ADK: variants seen among roughly 807,000 people sequenced by gnomAD.
The protein encoded by ADK is N6,N6-dimethyladenosine kinase.
ADK carries 24 observed loss-of-function variants against 44.7 expected under a neutral mutation model. That is an observed-to-expected ratio of 0.54 (90% CI 0.39 to 0.76). The LOEUF (loss-of-function observed/expected upper bound fraction) is 0.76. Among genes scored for constraint, ADK ranks in the 30% least tolerant of loss-of-function variants. The pLI is 0.00. For missense variants in ADK, 321 were observed against 425.1 expected, an observed-to-expected ratio of 0.76 and a Z score of 2.15; for synonymous variants, 128 against 142.6, an observed-to-expected ratio of 0.90 and a Z score of 0.73.
chr10:74,204,642 A>T (rs537701530), intron 2 of ADK, among the ~76,000 whole-genome samples: 1 of 152,374 alleles, frequency 6.6e-6, no homozygotes, highest in South Asian at 2.1e-4. Context: ...ACACTTTCCC[A>T]GTCAGAAAAT....
chr10:74,680,811 A>T (rs1252610784), intron 10 of ADK, among the ~76,000 whole-genome samples: 1 of 152,236 alleles, frequency 6.6e-6, no homozygotes, highest in Non-Finnish European at 1.5e-5. Flanking sequence ...CTTCAGATAT[A>T]TAAGTTCTGA....
At chr10:74,202,724 G>A (rs957366162) in intron 2 of ADK, among the ~76,000 whole-genome samples, 1 of 152,090 alleles carries the variant, frequency 6.6e-6, no homozygotes, top group African/African-American at 2.4e-5. Flanking sequence ...TTTGATGTTA[G>A]CATCTTTTCA....
chr10:74,520,811 T>C (rs547334478), intron 6 of ADK, among the ~76,000 whole-genome samples: 2 of 152,244 alleles, frequency 1.3e-5, no homozygotes, highest in South Asian at 2.1e-4. Context: ...GCTACCACTT[T>C]GTGTTGTTTT....
At chr10:74,612,237 A>G (rs932678259) in intron 9 of ADK, among the ~76,000 whole-genome samples, 11 of 152,012 alleles carry the variant, frequency 7.2e-5, no homozygotes, top group Non-Finnish European at 1.5e-4. Context: ...AACATTTTTC[A>G]TATGTTTGTT....
intron 4 of ADK, among the ~76,000 whole-genome samples, chr10:74,371,065 T>C (rs1842642271): frequency 1.3e-5 from 2 of 152,214 alleles, no homozygotes; most frequent in Non-Finnish European, 2.9e-5. Context: ...AAAGATCAAT[T>C]TTCAATGAAA....
chr10:74,458,914 T>C (rs1234839639), intron 6 of ADK, among the ~76,000 whole-genome samples: 1 of 152,106 alleles, frequency 6.6e-6, no homozygotes, highest in African/African-American at 2.4e-5. Context: ...CAAAATATTT[T>C]AAAAACATAC....
chr10:74,210,330 GAAAAAAAAAAA>G (rs57852507), intron 2 of ADK, among the ~76,000 whole-genome samples: 2 of 84,920 alleles, frequency 2.4e-5, no homozygotes, highest in Non-Finnish European at 4.4e-5. Flanking sequence ...TCCATCTCAG[GAAAAAAAAAAA>G]AAAAAAAAAA....
intron 10 of ADK, among the ~76,000 whole-genome samples, chr10:74,701,919 C>T (rs1856430662): frequency 6.6e-6 from 1 of 151,826 alleles, no homozygotes; most frequent in Non-Finnish European, 1.5e-5. Context: ...ACTCCAGCCT[C>T]GGTGACAGAG....
intron 10 of ADK, among the ~76,000 whole-genome samples, chr10:74,680,317 G>GAA (rs35798713): frequency 7.2e-6 from 1 of 138,044 alleles, no homozygotes; most frequent in Non-Finnish European, 1.6e-5. Context: ...TCCATCTCAA[G>GAA]AAAAAAAAAA....
At chr10:74,597,605 TTGTC>T (rs1468120549) in intron 8 of ADK, among the ~76,000 whole-genome samples, 8 of 151,250 alleles carry the variant, frequency 5.3e-5, no homozygotes, top group African/African-American at 2.0e-4. Flanking sequence ...CCATTTGAGT[TTGTC>T]TGATGTTTTC....
chr10:74,551,651 A>ATAAT (rs1283656126), intron 7 of ADK, among the ~76,000 whole-genome samples: 3 of 152,224 alleles, frequency 2.0e-5, no homozygotes, highest in Non-Finnish European at 2.9e-5. Flanking sequence ...ATGTTTGTAC[A>ATAAT]TAATTTCTTT....
chr10:74,373,124 A>G lies in ADK; in HGVS notation c.274-21017A>G, dbSNP rs186056191. 6.4e-3 allele frequency among the ~76,000 whole-genome samples: 857 copies of G among 134,086 alleles called. 12 individuals are homozygous for G. The highest frequency in any genetic ancestry group is 0.028 in the African/African-American group (817 of 28,898). The allele number at this position is 134,086 out of a possible 152,430, so 88.0% of individuals were successfully genotyped here. A position where few individuals can be genotyped will look rare whatever the true frequency, so the allele number is the denominator to read the frequency against. On this transcript the variant is annotated intron_variant, in intron 4 of 10. Transcript: ENST00000539909. ...TAGAACACCTGCCCATCCATATGGG[A>G]AAAAAAAAAAGCTGGACCCCTATCT...
intron 3 of ADK, among the ~76,000 whole-genome samples, chr10:74,238,405 C>T (rs1474387114): frequency 6.6e-6 from 1 of 152,134 alleles, no homozygotes; most frequent in East Asian, 1.9e-4. Flanking sequence ...AGTGAAATGG[C>T]CTGTCAGATT....
intron 10 of ADK, among the ~76,000 whole-genome samples, chr10:74,676,479 A>G (rs1344214804): frequency 6.6e-6 from 1 of 151,696 alleles, no homozygotes; most frequent in Admixed American, 6.6e-5. Flanking sequence ...GACTCATAAT[A>G]CTTTTTTTGG....
At chr10:74,313,993 CTG>C (rs958058556) in intron 3 of ADK, among the ~76,000 whole-genome samples, 3 of 150,334 alleles carry the variant, frequency 2.0e-5, no homozygotes, top group East Asian at 3.9e-4. Context: ...TGTACAGAAA[CTG>C]TGTCATTCTC....
intron 3 of ADK, among the ~76,000 whole-genome samples, chr10:74,273,955 A>G (rs563689481): frequency 5.9e-5 from 9 of 152,272 alleles, no homozygotes; most frequent in Admixed American, 5.2e-4. Flanking sequence ...GGCTTCCATT[A>G]TCTTCTTTAA....
At chr10:74,167,160 T>TA (rs1347627809) in intron 1 of ADK, among the ~76,000 whole-genome samples, 1 of 152,090 alleles carries the variant, frequency 6.6e-6, no homozygotes, top group Non-Finnish European at 1.5e-5. Flanking sequence ...TATTTTTAAT[T>TA]AAAAAAATAT....
intron 10 of ADK, among the ~76,000 whole-genome samples, chr10:74,678,564 C>A (rs185615151): frequency 6.6e-6 from 1 of 152,274 alleles, no homozygotes; most frequent in East Asian, 1.9e-4. Context: ...AGGAGTTTAT[C>A]TTCTGGGAAT....
intron 2 of ADK, among the ~76,000 whole-genome samples, chr10:74,202,534 C>G (rs575346089): frequency 4.6e-5 from 7 of 152,274 alleles, no homozygotes. Context: ...CTAGAGAAAC[C>G]ACCAAACTGT....
Sources: gnomAD v4.1 joint callset for allele counts (sites outside exome capture counted in the v4.1 genomes callset) on GRCh38, gnomAD v4.1.1 for gene constraint, MANE v1.5 for transcripts, NCBI Gene and HGNC (gene_info 2026-07-23, HGNC 2026-07-21) for gene names.